SNX19: variants seen among roughly 807,000 people sequenced by gnomAD.
SNX19 encodes the protein sorting nexin 19, also known as sorting nexin-19.
In SNX19, 60 loss-of-function variants were observed where a neutral mutation model predicts 85.2. The observed-to-expected ratio is 0.70, with a 90% CI of 0.57 to 0.87. The LOEUF is 0.87. SNX19 is among the 40% of genes least tolerant of loss of function. The probability of loss-of-function intolerance (pLI) is 0.00; values close to 1 mark genes in which losing one functional copy is unlikely to be tolerated. For synonymous variants in SNX19, 520 were observed against 470.0 expected, an observed-to-expected ratio of 1.11 and a Z score of -1.38; for missense variants, 1,201 against 1,217.8, an observed-to-expected ratio of 0.99 and a Z score of 0.21.
chr11:130,915,593 G>C lies in SNX19; in HGVS notation c.347C>G (p.Ser116Cys), dbSNP rs1565560312. ...IQMIIRDFVL[S>C]WYRSVSQEPA... ...CTCCTGGCTCACGGAACGGTACCAAGATAACACAAAATCTCGAATAATCAT... is the reference window on the plus strand; with the variant it reads ...CTCCTGGCTCACGGAACGGTACCAACATAACACAAAATCTCGAATAATCAT... Residue 116 changes from serine (S) to cysteine (C), a missense_variant, in exon 1 of 11, where the codon TCT becomes TGT. This residue lies in a region of SNX19 where 791 missense variants were observed against 750.9 expected (regional missense o/e 1.05). Coordinates refer to ENST00000265909, the MANE Select transcript of SNX19 (RefSeq NM_014758.3). 1 of 1,614,228 alleles carries C rather than the reference G, an allele frequency of 6.2e-7. No individual in the cohort carries two copies.
At chr11:130,906,279 T>C (rs926694290) in intron 6 of SNX19, 146 bp from the exon 7 acceptor site, 8 of 859,648 alleles carry the variant, frequency 9.3e-6, no homozygotes, top group Non-Finnish European at 1.4e-5. Context: ...GGAAAGATTT[T>C]ATTTTTTACC....
rs1943022987 is a variant in SNX19, at chr11:130,871,460, C to A, written c.*6962G>T. 6.6e-6 allele frequency among the ~76,000 whole-genome samples: 1 copy of A among 152,096 alleles called. No individual in the cohort carries two copies. Among genetic ancestry groups the A allele is most frequent in the Non-Finnish European group, 1.5e-5 (1 of 68,024 alleles). ...GGTAAACTCCAAAAGTGTTTTTCCT[C>A]CCTTAATAAGGTCTATTCTTCTTGG... On this transcript the variant is annotated 3_prime_UTR_variant, in exon 11 of 11. Transcript: ENST00000265909.
rs1945895222 is a variant in SNX19, at chr11:130,909,172, T to C, written c.2034+846A>G. 2.0e-5 allele frequency among the ~76,000 whole-genome samples: 3 copies of C among 152,338 alleles called. No individual in the cohort carries two copies. In the South Asian group the frequency reaches 6.2e-4, roughly 32 times the overall value. On this transcript the variant is annotated intron_variant, in intron 4 of 10. Coordinates refer to ENST00000265909, the MANE Select transcript of SNX19 (RefSeq NM_014758.3). ...AACAGCAGCTGGTAGAGTGTCTGGC[T>C]GAAAACAGGCATCCAGTAAGTAGAT... is the stretch of plus-strand genomic sequence containing the variant.
chr11:130,906,722 C>G lies in SNX19; in HGVS notation c.2166-1G>C. On this transcript the variant is annotated splice_acceptor_variant, in intron 5 of 10. Coordinates refer to ENST00000265909, the MANE Select transcript of SNX19 (RefSeq NM_014758.3). LOFTEE classifies it high-confidence loss of function. The stretch of plus-strand genomic sequence containing the variant: ...ACTGGATGAGAACCTCAGCCTAGAC[C>G]TGGTACAGAAACAAAGAGCAGAAAC... The G allele has an allele frequency of 6.2e-7, 1 of 1,602,570 alleles. No individual in the cohort carries two copies. Among genetic ancestry groups the G allele is most frequent in the Non-Finnish European group, 8.5e-7 (1 of 1,170,088 alleles).
Position 130,915,215 on chromosome 11 carries a change from A to G in SNX19, c.725T>C (p.Ile242Thr). 6.2e-7 allele frequency: 1 copy of G among 1,614,210 alleles called. No individual in the cohort carries two copies. Among genetic ancestry groups the G allele is most frequent in the South Asian group, 1.1e-5 (1 of 91,086 alleles). The change falls in exon 1 of 11, where the codon ATC becomes ACC. Residue 242 changes from isoleucine to threonine, a missense_variant. Physicochemically the swap from Ile to Thr is moderately conservative, Grantham distance 89. Around this residue, in one of 3 missense-constraint regions of SNX19, gnomAD observed 791 missense variants for 750.9 expected, o/e 1.05. Transcript: ENST00000265909. ...RTGRHVVVEL[I>T]TCNVILPLIS... ...CAGTGGTAAGATTACATTGCATGTG[A>G]TGAGTTCGACCACTACATGGCGTCC...
chr11:130,893,153 C>G (rs1226584663), intron 8 of SNX19: 1 of 152,122 alleles, frequency 6.6e-6, no homozygotes, highest in Non-Finnish European at 1.5e-5. Context: ...AGAACTCCCA[C>G]CACAGGAAAG....
chr11:130,915,482 G>A lies in SNX19; in HGVS notation c.458C>T (p.Ala153Val), dbSNP rs1412912616. 1 of 1,614,092 alleles carries A rather than the reference G, an allele frequency of 6.2e-7. No individual in the cohort carries two copies. The highest frequency in any genetic ancestry group is 8.5e-7 in the Non-Finnish European group (1 of 1,180,060). ...RRRMSVMDSH[A>V]VAQSVLTLCG... ...GAGAGTCAGAACACTCTGGGCAACAGCATGACTGTCCATCACGCTCATCCT... is the reference window on the plus strand; with the variant it reads ...GAGAGTCAGAACACTCTGGGCAACAACATGACTGTCCATCACGCTCATCCT... Residue 153 changes from alanine to valine, a missense_variant, in exon 1 of 11, where the codon GCT becomes GTT. Ala to Val is a moderately conservative substitution (Grantham distance 64, BLOSUM62 0). This residue lies in a region of SNX19 where 791 missense variants were observed against 750.9 expected (regional missense o/e 1.05). Transcript: ENST00000265909.
rs974980469 is a variant in SNX19 at position 130,868,160 on chromosome 11, G to T, written c.*10262C>A. 1.3e-5 allele frequency: 2 copies of T among 152,172 alleles called. No homozygotes were observed. Among genetic ancestry groups the T allele is most frequent in the Non-Finnish European group, 2.9e-5 (2 of 68,044 alleles). 9.4% of individuals were successfully genotyped at this position (152,172 alleles called of 1,614,324 possible). A position where few individuals can be genotyped will look rare whatever the true frequency, so the allele number is the denominator to read the frequency against. ...TCGTGGTAAGAAGGTGCTTCCAGAA[G>T]GCTGATTTTTCACTTCTCATGCCTT... On this transcript the variant is annotated 3_prime_UTR_variant, in exon 11 of 11. Coordinates refer to ENST00000265909, the MANE Select transcript of SNX19 (RefSeq NM_014758.3).
intron 8 of SNX19, among the ~76,000 whole-genome samples, chr11:130,886,632 T>C (rs1944096708): frequency 2.6e-5 from 4 of 152,112 alleles, no homozygotes; most frequent in African/African-American, 9.7e-5. Context: ...GTAGCAGCAA[T>C]CTATAGGGTG....
chr11:130,867,959 G>T lies in SNX19; in HGVS notation c.*10463C>A, dbSNP rs879296687. 3 of 152,250 alleles carry T rather than the reference G, an allele frequency of 2.0e-5. No individual in the cohort carries two copies. Among genetic ancestry groups the T allele is most frequent in the African/African-American group, 7.2e-5 (3 of 41,534 alleles). The allele number at this position is 152,250 out of a possible 1,614,324, so 9.4% of individuals were successfully genotyped here. A position where few individuals can be genotyped will look rare whatever the true frequency, so the allele number is the denominator to read the frequency against. On this transcript the variant is annotated 3_prime_UTR_variant, in exon 11 of 11. Coordinates refer to ENST00000265909, the MANE Select transcript of SNX19 (RefSeq NM_014758.3). Reference sequence around the variant, plus strand: ...ACTGCCTTTCCTTTGGGTGGCTTTGGGGGGAGTGAAATTTTTATGAGAACC... The same window carrying T: ...ACTGCCTTTCCTTTGGGTGGCTTTGTGGGGAGTGAAATTTTTATGAGAACC...
chr11:130,898,489 C>T (rs1307688081), intron 8 of SNX19, among the ~76,000 whole-genome samples: 3 of 152,088 alleles, frequency 2.0e-5, no homozygotes, highest in Non-Finnish European at 4.4e-5. Context: ...GGAAGAGAAC[C>T]CAAGTACCCT....
intron 8 of SNX19, among the ~76,000 whole-genome samples, chr11:130,894,083 G>A (rs1429441043): frequency 6.6e-6 from 1 of 151,704 alleles, no homozygotes; most frequent in African/African-American, 2.4e-5. Flanking sequence ...AGGTTGATAA[G>A]ATTCCTAACA....
Position 130,910,335 on chromosome 11 carries a change from G to C in SNX19, c.1849C>G (p.Pro617Ala), listed in dbSNP as rs778147893. The change falls in exon 3 of 11, where the codon CCA becomes GCA. Residue 617 changes from proline to alanine, a missense_variant. Pro to Ala is a conservative substitution (Grantham distance 27). Around this residue, in one of 3 missense-constraint regions of SNX19, gnomAD observed 125 missense variants for 171.6 expected, o/e 0.73. Transcript: ENST00000265909. ...KGPKKLFPDL[P>A]LGNMDSDRVE... Reference sequence around the variant, plus strand: ...CTGTCACTGTCCATGTTTCCCAATGGAAGATCTGGAAAGAGCTTTTTAGGA... The same window carrying C: ...CTGTCACTGTCCATGTTTCCCAATGCAAGATCTGGAAAGAGCTTTTTAGGA... 1 of 1,607,820 alleles carries C rather than the reference G, an allele frequency of 6.2e-7. No individual in the cohort carries two copies. Among genetic ancestry groups the C allele is most frequent in the Non-Finnish European group, 8.5e-7 (1 of 1,178,752 alleles).
Position 130,876,712 on chromosome 11 carries a change from T to C in SNX19, c.*1710A>G, listed in dbSNP as rs1592266176. On this transcript the variant is annotated 3_prime_UTR_variant, in exon 11 of 11. Transcript: ENST00000265909. ...GAGCTTAATGATCAGCTCTAATACATTGGCTGGACTCCTGCAGGTACTCAC... is the reference window on the plus strand; with the variant it reads ...GAGCTTAATGATCAGCTCTAATACACTGGCTGGACTCCTGCAGGTACTCAC... 6.5e-6 allele frequency: 1 copy of C among 152,758 alleles called. No homozygotes were observed. Among genetic ancestry groups the C allele is most frequent in the African/African-American group, 2.4e-5 (1 of 41,554 alleles). 9.5% of individuals were successfully genotyped at this position (152,758 alleles called of 1,614,324 possible). A position where few individuals can be genotyped will look rare whatever the true frequency, so the allele number is the denominator to read the frequency against.
intron 8 of SNX19, among the ~76,000 whole-genome samples, chr11:130,898,470 G>A (rs917090988): frequency 1.3e-5 from 2 of 152,136 alleles, no homozygotes; most frequent in Non-Finnish European, 2.9e-5. Flanking sequence ...TTTAAGCACG[G>A]AACTTAAAGG....
chr11:130,911,334 A>G (rs1946109948), intron 2 of SNX19: 2 of 617,394 alleles, frequency 3.2e-6, no homozygotes, highest in Non-Finnish European at 4.3e-6. Context: ...TGAATCTGGA[A>G]AAGTTAATTT....
chr11:130,901,789 A>G (rs1945275696), intron 8 of SNX19: 1 of 151,918 alleles, frequency 6.6e-6, no homozygotes, highest in African/African-American at 2.4e-5. Context: ...TGGTCCACTC[A>G]GTTTTCCCTG....
At position 130,916,428 on chromosome 11, in the gene SNX19, C is replaced by T. The variant is rs997545384; in HGVS notation, c.-489G>A. The T allele has an allele frequency of 1.3e-5, 2 of 153,874 alleles. No homozygotes were observed. The highest frequency in any genetic ancestry group is 6.5e-5 in the Admixed American group (1 of 15,486). The allele number at this position is 153,874 out of a possible 1,614,324, so 9.5% of individuals were successfully genotyped here. The stretch of plus-strand genomic sequence containing the variant: ...GCCGTAAACCTGGGCGACTGCGCTC[C>T]GCAGCCGGGCCTGTGTGAAGGCTGA... On this transcript the variant is annotated 5_prime_UTR_variant, in exon 1 of 11. Transcript: ENST00000265909.
rs778240108 is a variant in SNX19, at chr11:130,914,848, G to C, written c.1092C>G (p.Pro364=). 2.5e-6 allele frequency: 4 copies of C among 1,614,142 alleles called. No homozygotes were observed. Among genetic ancestry groups the C allele is most frequent in the Non-Finnish European group, 2.5e-6 (3 of 1,180,016 alleles). The change falls in exon 1 of 11, where the codon CCC becomes CCG. Residue 364 remains proline (P), a synonymous_variant. Coordinates refer to ENST00000265909, the MANE Select transcript of SNX19 (RefSeq NM_014758.3). ...SHFLQPNVRG[P]LFLCEDSELE... ...GCTCTGAGTCTTCACATAAGAACAG[G>C]GGACCTCGAACATTTGGCTGTAGGA...
Sources: gnomAD v4.1 joint callset for allele counts (sites outside exome capture counted in the v4.1 genomes callset) on GRCh38, gnomAD v4.1.1 for gene constraint, gnomAD v4.1.1 regional missense constraint, MANE v1.5 for transcripts, NCBI Gene and HGNC (gene_info 2026-07-23, HGNC 2026-07-21) for gene names.